KMT2C: variants seen among roughly 807,000 people sequenced by gnomAD.
KMT2C encodes lysine methyltransferase 2C.
A neutral mutation model predicts 507.9 loss-of-function variants in KMT2C; 88 were observed. The observed-to-expected ratio is 0.17, with a 90% CI of 0.15 to 0.21. The LOEUF is 0.21. KMT2C is among the 10% of genes least tolerant of loss of function. KMT2C has a pLI of 1.00. For synonymous variants in KMT2C, 2,049 were observed against 2,080.8 expected (o/e 0.98, Z 0.42); for missense variants, 4,954 against 5,957.8 (o/e 0.83, Z 5.55).
chr7:152,435,308 G>A (rs1305177161), intron 1 of KMT2C, among the ~76,000 whole-genome samples: 5 of 152,094 alleles, frequency 3.3e-5, no homozygotes, highest in African/African-American at 1.2e-4. Context: ...GCTAGGCCAA[G>A]ACGCGGCTAC....
chr7:152,415,410 T>C (rs1266329805), intron 1 of KMT2C, among the ~76,000 whole-genome samples: 1 of 152,146 alleles, frequency 6.6e-6, no homozygotes, highest in Non-Finnish European at 1.5e-5. Flanking sequence ...AAAGAAATAA[T>C]GGGACTTTTC....
intron 33 of KMT2C, among the ~76,000 whole-genome samples, chr7:152,186,891 G>A (rs762032571): frequency 3.0e-4 from 46 of 151,942 alleles, no homozygotes; most frequent in Admixed American, 5.2e-4. Flanking sequence ...TATTGAATTC[G>A]TTTCATAAAA....
chr7:152,426,955 TC>T (rs1400780947), intron 1 of KMT2C, among the ~76,000 whole-genome samples: 1 of 152,198 alleles, frequency 6.6e-6, no homozygotes, highest in Non-Finnish European at 1.5e-5. Context: ...TAAGCTTTTT[TC>T]TTTTTTTAAA....
chr7:152,378,431 G>C (rs375292677), intron 1 of KMT2C, among the ~76,000 whole-genome samples: 14 of 150,922 alleles, frequency 9.3e-5, no homozygotes, highest in African/African-American at 2.2e-4. Context: ...CAGATGATCA[G>C]TAGCATTTTT....
chr7:152,229,383 G>A (rs368173477), intron 18 of KMT2C, among the ~76,000 whole-genome samples: 4 of 152,150 alleles, frequency 2.6e-5, no homozygotes, highest in Non-Finnish European at 5.9e-5. Flanking sequence ...CCAAGCACAC[G>A]ATACCACTTA....
chr7:152,374,368 A>T (rs1029311836), intron 1 of KMT2C, among the ~76,000 whole-genome samples: 1 of 151,900 alleles, frequency 6.6e-6, no homozygotes, highest in Non-Finnish European at 1.5e-5. Context: ...AAGAAATTTT[A>T]AAAATAATAA....
At chr7:152,171,428 G>T in intron 39 of KMT2C, 86 bp from the exon 40 acceptor site, 1 of 832,104 alleles carries the variant, frequency 1.2e-6, no homozygotes. Context: ...GTGCTTAACA[G>T]TTTTCTCTTC....
intron 2 of KMT2C, among the ~76,000 whole-genome samples, chr7:152,344,624 C>CA (rs1009854743): frequency 0.02 from 2,784 of 140,086 alleles, 91 homozygotes; most frequent in African/African-American, 0.066. Context: ...GGCAACAACT[C>CA]AAAAAAAAAA....
chr7:152,255,935 G>A (rs1165722386), intron 9 of KMT2C, among the ~76,000 whole-genome samples: 8 of 152,168 alleles, frequency 5.3e-5, no homozygotes, highest in Non-Finnish European at 8.8e-5. Flanking sequence ...TTGGGAGGCC[G>A]AGGCAGGCAG....
intron 3 of KMT2C, among the ~76,000 whole-genome samples, chr7:152,320,046 T>TTCTTTTA (rs1369261972): frequency 1.3e-5 from 2 of 152,020 alleles, no homozygotes; most frequent in Non-Finnish European, 2.9e-5. Flanking sequence ...CAGCTGTCTT[T>TTCTTTTA]TCTTTTATCT....
At chr7:152,225,494 A>T (rs2094898970) in intron 18 of KMT2C, among the ~76,000 whole-genome samples, 2 of 152,236 alleles carry the variant, frequency 1.3e-5, no homozygotes, top group Non-Finnish European at 2.9e-5. Flanking sequence ...TCAAAGTACA[A>T]TTCTCAACCT....
intron 31 of KMT2C, among the ~76,000 whole-genome samples, chr7:152,188,741 T>C (rs536908295): frequency 3.4e-4 from 52 of 151,646 alleles, no homozygotes; most frequent in Non-Finnish European, 6.5e-4. Flanking sequence ...TCCTGAGTAG[T>C]TGGAATCACA....
intron 2 of KMT2C, among the ~76,000 whole-genome samples, chr7:152,358,150 C>A: frequency 6.6e-6 from 1 of 152,164 alleles, no homozygotes; most frequent in East Asian, 1.9e-4. Flanking sequence ...TCCAACAGAC[C>A]AGAAACTATT....
intron 14 of KMT2C, among the ~76,000 whole-genome samples, chr7:152,245,840 T>C (rs1189358822): frequency 6.6e-6 from 1 of 152,164 alleles, no homozygotes; most frequent in Admixed American, 6.6e-5. Flanking sequence ...GAATTGGTAA[T>C]GTTCAACAAA....
At chr7:152,314,254 C>A (rs932974251) in intron 4 of KMT2C, among the ~76,000 whole-genome samples, 2 of 152,062 alleles carry the variant, frequency 1.3e-5, no homozygotes, top group Admixed American at 1.3e-4. Flanking sequence ...TACAACACAA[C>A]AATGATTTAG....
chr7:152,383,851 C>T (rs979564366), intron 1 of KMT2C, among the ~76,000 whole-genome samples: 16 of 152,008 alleles, frequency 1.1e-4, no homozygotes, highest in African/African-American at 3.9e-4. Flanking sequence ...CATTAGTTGT[C>T]CACACTCATC....
At chr7:152,209,742 T>TA (rs2094409001) in intron 23 of KMT2C, among the ~76,000 whole-genome samples, 1 of 142,424 alleles carries the variant, frequency 7.0e-6, no homozygotes, top group African/African-American at 2.7e-5. Flanking sequence ...CCAATCTCCT[T>TA]TAAAAAAAAA....
rs2129145583 is a variant in KMT2C at position 152,220,577 on chromosome 7, G to A, written c.3658C>T (p.Pro1220Ser). 1 of 1,611,808 alleles carries A rather than the reference G, an allele frequency of 6.2e-7. No individual in the cohort carries two copies. Among genetic ancestry groups the A allele is most frequent in the Non-Finnish European group, 8.5e-7 (1 of 1,179,744 alleles). The change falls in exon 23 of 59, where the codon CCT becomes TCT. Residue 1220 changes from proline (P) to serine (S), a missense_variant. Pro to Ser is a moderately conservative substitution (Grantham distance 74). Around this residue, in one of 29 missense-constraint regions of KMT2C, gnomAD observed 176 missense variants for 262.0 expected, o/e 0.67. Transcript: ENST00000262189. ...GAATGCTCTGATTGGATGTCTGGAG[G>A]GGTCTGAAGGACGGCCACGCTATTC... ...NQNSVAVLQTPPDIQSEHSRD... is the reference protein window; with the variant it reads ...NQNSVAVLQTSPDIQSEHSRD...
intron 32 of KMT2C, 82 bp from the exon 33 acceptor site, chr7:152,187,558 T>G: frequency 2.1e-6 from 3 of 1,442,182 alleles, no homozygotes; most frequent in Non-Finnish European, 2.9e-6. Flanking sequence ...CATTAAAACC[T>G]ATTACAAAAC....
Sources: gnomAD v4.1 joint callset for allele counts (sites outside exome capture counted in the v4.1 genomes callset) on GRCh38, gnomAD v4.1.1 for gene constraint, gnomAD v4.1.1 regional missense constraint, MANE v1.5 for transcripts, NCBI Gene and HGNC (gene_info 2026-07-23, HGNC 2026-07-21) for gene names.